Variants in JARID2 observed in about 807,000 individuals in gnomAD.
JARID2 encodes the protein jumonji and AT-rich interaction domain containing 2, also known as protein Jumonji.
A neutral mutation model predicts 125.6 loss-of-function variants in JARID2; 21 were observed. That is an observed-to-expected ratio of 0.17 (90% CI 0.12 to 0.24). The LOEUF (loss-of-function observed/expected upper bound fraction) is 0.24, where lower values mean the gene tolerates loss of function less well. Ranked by LOEUF, JARID2 falls within the 10% of genes least tolerant of loss-of-function variation. The pLI is 1.00. For missense variants in JARID2, 1,303 were observed against 1,639.6 expected (o/e 0.79, Z 3.55); for synonymous variants, 736 against 661.6 (o/e 1.11, Z -1.73).
rs774068185 is a variant in JARID2, at chr6:15,487,379, C to A, written c.743C>A (p.Pro248His). The A allele has an allele frequency of 1.9e-6, 3 of 1,614,104 alleles. No individual in the cohort carries two copies. In the African/African-American group the frequency reaches 4.0e-5, roughly 22 times the overall value. Residue 248 changes from proline to histidine, a missense_variant, in exon 6 of 18, where the codon CCC becomes CAC. Transcript: ENST00000341776. The stretch of plus-strand genomic sequence containing the variant: ...AAACACAAAAGCAAAGAGGCCACTC[C>A]CGCAAAGGAGAAGCACAGCGATCAC... ...VQKHKSKEATPAKEKHSDHRA... is the reference protein window; with the variant it reads ...VQKHKSKEATHAKEKHSDHRA...
At position 15,288,293 on chromosome 6, in the gene JARID2, G is replaced by C. The variant is rs528389935; in HGVS notation, c.45+41709G>C. ...AGGGGTGGGAGCAGGCACCTCACAT[G>C]GTCAGGAGGTGGGGGTTGGAGAAAA... is the stretch of plus-strand genomic sequence containing the variant. On this transcript the variant is annotated intron_variant, in intron 1 of 17. Coordinates refer to ENST00000341776, the MANE Select transcript of JARID2 (RefSeq NM_004973.4). Among the ~76,000 whole-genome samples the C allele has an allele frequency of 7.4e-4, 105 of 142,364 alleles. 1 individual carries two copies. The highest frequency in any genetic ancestry group is 4.1e-3 in the Admixed American group (60 of 14,536). The allele number at this position is 142,364 out of a possible 152,430, so 93.4% of individuals were successfully genotyped here.
chr6:15,253,728 A>G (rs1759544575), intron 1 of JARID2, among the ~76,000 whole-genome samples: 1 of 152,156 alleles, frequency 6.6e-6, no homozygotes, highest in African/African-American at 2.4e-5. Flanking sequence ...AATGTCCCAG[A>G]AAAGCATGGA....
intron 3 of JARID2, among the ~76,000 whole-genome samples, chr6:15,432,199 C>G (rs1021104034): frequency 1.3e-5 from 2 of 151,946 alleles, no homozygotes; most frequent in Non-Finnish European, 2.9e-5. Context: ...GAGGCTAAGG[C>G]GGGTGGATCT....
intron 1 of JARID2, among the ~76,000 whole-genome samples, chr6:15,301,614 T>C (rs948224184): frequency 6.6e-6 from 1 of 152,264 alleles, no homozygotes; most frequent in African/African-American, 2.4e-5. Context: ...CTCAATAGTC[T>C]GTAAGTCCTT....
chr6:15,463,922 A>G (rs900036821), intron 4 of JARID2, among the ~76,000 whole-genome samples: 4 of 152,186 alleles, frequency 2.6e-5, no homozygotes, highest in African/African-American at 9.7e-5. Context: ...GTTTGTATTG[A>G]GCAGATTCTT....
intron 17 of JARID2, 143 bp from the exon 18 acceptor site, chr6:15,519,926 T>TC: frequency 1.8e-6 from 1 of 543,310 alleles, no homozygotes; most frequent in Non-Finnish European, 3.2e-6. Flanking sequence ...TCTGAGCCTC[T>TC]CGGGGTTATT....
chr6:15,452,231 G>T, intron 4 of JARID2, 56 bp downstream of exon 4: 1 of 1,592,826 alleles, frequency 6.3e-7, no homozygotes, highest in South Asian at 1.1e-5. Context: ...GTAAGCCTGA[G>T]GTCTACGTGG....
At chr6:15,345,463 C>A (rs913617774) in intron 1 of JARID2, among the ~76,000 whole-genome samples, 1 of 152,128 alleles carries the variant, frequency 6.6e-6, no homozygotes, top group African/African-American at 2.4e-5. Flanking sequence ...TGATCTTGGT[C>A]TAGTTACTGT....
intron 2 of JARID2, among the ~76,000 whole-genome samples, chr6:15,406,821 A>T (rs757103595): frequency 5.9e-5 from 9 of 152,194 alleles, no homozygotes; most frequent in Non-Finnish European, 8.8e-5. Flanking sequence ...AACATTACAC[A>T]TCTCTTTACA....
At chr6:15,255,138 CTTTTTTTTTTTT>C (rs753848936) in intron 1 of JARID2, among the ~76,000 whole-genome samples, 2 of 121,194 alleles carry the variant, frequency 1.7e-5, no homozygotes, top group Admixed American at 9.1e-5. Context: ...ACTAGGAATT[CTTTTTTTTTTTT>C]TTTTTTTTTG....
intron 4 of JARID2, among the ~76,000 whole-genome samples, chr6:15,468,285 T>C (rs1768844778): frequency 6.6e-6 from 1 of 151,976 alleles, no homozygotes; most frequent in Non-Finnish European, 1.5e-5. Flanking sequence ...TTGTTTTTTT[T>C]CTCAAGAGAT....
At chr6:15,493,288 C>G (rs926242135) in intron 6 of JARID2, among the ~76,000 whole-genome samples, 1 of 152,132 alleles carries the variant, frequency 6.6e-6, no homozygotes, top group Non-Finnish European at 1.5e-5. Context: ...TTGATCCTCA[C>G]CAATTAGCAC....
At chr6:15,366,435 TTC>T (rs1299986026) in intron 1 of JARID2, among the ~76,000 whole-genome samples, 1 of 148,692 alleles carries the variant, frequency 6.7e-6, no homozygotes, top group Non-Finnish European at 1.5e-5. Flanking sequence ...GGAAAAGCAC[TTC>T]TTTTTCTTTT....
At chr6:15,428,035 C>T (rs1260848136) in intron 3 of JARID2, among the ~76,000 whole-genome samples, 1 of 152,100 alleles carries the variant, frequency 6.6e-6, no homozygotes, top group Non-Finnish European at 1.5e-5. Flanking sequence ...TCCCTCACTG[C>T]CTCCCTCCTA....
chr6:15,323,132 A>C (rs1762412843), intron 1 of JARID2, among the ~76,000 whole-genome samples: 1 of 152,118 alleles, frequency 6.6e-6, no homozygotes, highest in Non-Finnish European at 1.5e-5. Context: ...TTTCTTTTGC[A>C]CTCTGTGGTA....
At chr6:15,505,779 C>G (rs1770976180) in intron 9 of JARID2, among the ~76,000 whole-genome samples, 1 of 152,276 alleles carries the variant, frequency 6.6e-6, no homozygotes, top group Admixed American at 6.5e-5. Context: ...CACTGCCTCA[C>G]CCACCACCAG....
At chr6:15,356,510 A>G (rs185835322) in intron 1 of JARID2, among the ~76,000 whole-genome samples, 4 of 151,740 alleles carry the variant, frequency 2.6e-5, no homozygotes, top group East Asian at 3.9e-4. Flanking sequence ...TTAACTTCCT[A>G]TTTGTCACGT....
intron 8 of JARID2, 77 bp downstream of exon 8, chr6:15,501,486 G>GTA: frequency 2.2e-6 from 3 of 1,387,746 alleles, no homozygotes; most frequent in South Asian, 2.9e-5. Flanking sequence ...AGCGTGCTAT[G>GTA]CACTGGACGG....
At chr6:15,442,478 T>G (rs1477559644) in intron 3 of JARID2, among the ~76,000 whole-genome samples, 1 of 152,258 alleles carries the variant, frequency 6.6e-6, no homozygotes, top group Non-Finnish European at 1.5e-5. Flanking sequence ...ACTGTCTTTA[T>G]GTAGTCCCTT....
Sources: gnomAD v4.1 joint callset for allele counts (sites outside exome capture counted in the v4.1 genomes callset) on GRCh38, gnomAD v4.1.1 for gene constraint, MANE v1.5 for transcripts, NCBI Gene and HGNC (gene_info 2026-07-23, HGNC 2026-07-21) for gene names.